RALGAPA2: variants seen among roughly 807,000 people sequenced by gnomAD.
The protein encoded by RALGAPA2 is ral GTPase-activating protein subunit alpha-2.
Under a neutral mutation model 230.4 loss-of-function variants are expected in RALGAPA2, and 139 were observed. The ratio of observed to expected loss-of-function variants is 0.60; its 90% CI spans 0.53 to 0.69. The LOEUF is 0.69. RALGAPA2 is among the 30% of genes least tolerant of loss of function. The pLI, the probability that RALGAPA2 is intolerant of heterozygous loss-of-function variation, is 0.00. For synonymous variants in RALGAPA2, 847 were observed against 837.8 expected (o/e 1.01, Z -0.19); for missense variants, 2,163 against 2,276.0 (o/e 0.95, Z 1.01).
chr20:20,395,259 TG>T (rs2059687496), intron 39 of RALGAPA2, among the ~76,000 whole-genome samples: 2 of 152,254 alleles, frequency 1.3e-5, no homozygotes, highest in Admixed American at 6.5e-5. Context: ...AGCTTTCTGC[TG>T]GGACATTCTC....
At chr20:20,570,299 T>G (rs1239583269) in intron 23 of RALGAPA2, among the ~76,000 whole-genome samples, 17 of 152,176 alleles carry the variant, frequency 1.1e-4, no homozygotes. Context: ...AAATACATAC[T>G]GCAAACTATT....
At chr20:20,594,293 A>G (rs2065382511) in intron 16 of RALGAPA2, among the ~76,000 whole-genome samples, 2 of 152,302 alleles carry the variant, frequency 1.3e-5, no homozygotes, top group Admixed American at 1.3e-4. Context: ...ATTTCTTTAT[A>G]CTATTTTTCC....
At chr20:20,569,739 T>C (rs17803719) in intron 23 of RALGAPA2, among the ~76,000 whole-genome samples, 35,818 of 152,052 alleles carry the variant, frequency 0.24, 4,372 homozygotes, top group East Asian at 0.41. Flanking sequence ...CATCTTAAAA[T>C]AGAAAGACAA....
chr20:20,470,433 T>C (rs948931303), intron 37 of RALGAPA2, among the ~76,000 whole-genome samples: 10 of 152,132 alleles, frequency 6.6e-5, no homozygotes, highest in African/African-American at 2.4e-4. Flanking sequence ...CACTGGCTCG[T>C]TTCTTTAGTT....
intron 37 of RALGAPA2, among the ~76,000 whole-genome samples, chr20:20,413,573 C>T (rs1008112088): frequency 2.6e-5 from 4 of 152,176 alleles, no homozygotes; most frequent in African/African-American, 9.7e-5. Context: ...CTCCCCCCAC[C>T]TTGCTATATT....
chr20:20,696,075 T>C (rs2069103262), intron 1 of RALGAPA2, among the ~76,000 whole-genome samples: 1 of 152,132 alleles, frequency 6.6e-6, no homozygotes, highest in African/African-American at 2.4e-5. Context: ...TGTTACAAGC[T>C]CAGGCCGCTG....
At chr20:20,627,858 T>C (rs567614642) in intron 10 of RALGAPA2, among the ~76,000 whole-genome samples, 2 of 152,352 alleles carry the variant, frequency 1.3e-5, no homozygotes, top group South Asian at 4.1e-4. Context: ...CTGGGAGTCA[T>C]ATGCCACAGT....
In RALGAPA2 at chr20:20,552,200, G is replaced by C. The variant is rs575177465; in HGVS notation, c.3157-5368C>G. 5.9e-5 allele frequency among the ~76,000 whole-genome samples: 9 copies of C among 152,198 alleles called. No homozygotes were observed. In the South Asian group the frequency reaches 1.9e-3, roughly 32 times the overall value. ...CATATATATTATTCACTTAATATTT[G>C]CTCAGGGCCCAGCAGATGATGGTTG... On this transcript the variant is annotated intron_variant, in intron 23 of 39. Transcript: ENST00000202677.
chr20:20,697,017 T>C (rs1306685720), intron 1 of RALGAPA2, among the ~76,000 whole-genome samples: 1 of 152,188 alleles, frequency 6.6e-6, no homozygotes, highest in African/African-American at 2.4e-5. Context: ...ATTACAGGCA[T>C]GAGCCACTGC....
chr20:20,456,108 T>C (rs1254327234), intron 37 of RALGAPA2, among the ~76,000 whole-genome samples: 2 of 152,270 alleles, frequency 1.3e-5, no homozygotes, highest in African/African-American at 2.4e-5. Flanking sequence ...AAATCAGTTA[T>C]CTTTTCAGTA....
chr20:20,469,605 C>A (rs139493691), intron 37 of RALGAPA2, among the ~76,000 whole-genome samples: 4 of 152,300 alleles, frequency 2.6e-5, no homozygotes, highest in African/African-American at 9.6e-5. Flanking sequence ...TAAAAAGCCA[C>A]CATCTGTTTG....
chr20:20,454,416 C>T (rs1001373882), intron 37 of RALGAPA2, among the ~76,000 whole-genome samples: 1 of 152,222 alleles, frequency 6.6e-6, no homozygotes, highest in Non-Finnish European at 1.5e-5. Flanking sequence ...GCCACTGCTG[C>T]CTGCTCCTTA....
At chr20:20,623,330 C>A (rs993377934) in intron 10 of RALGAPA2, among the ~76,000 whole-genome samples, 5 of 151,988 alleles carry the variant, frequency 3.3e-5, no homozygotes, top group African/African-American at 1.2e-4. Flanking sequence ...AGAGTTATAT[C>A]AAAAATAGAC....
At chr20:20,429,829 A>G (rs1294837727) in intron 37 of RALGAPA2, among the ~76,000 whole-genome samples, 3 of 152,220 alleles carry the variant, frequency 2.0e-5, no homozygotes, top group Admixed American at 6.5e-5. Flanking sequence ...TTTCATTGCT[A>G]TCTTCCAAGG....
chr20:20,443,445 C>T (rs1008756369), intron 37 of RALGAPA2, among the ~76,000 whole-genome samples: 46 of 152,236 alleles, frequency 3.0e-4, no homozygotes, highest in Non-Finnish European at 4.4e-5. Context: ...GCCTCTTGAT[C>T]TTCACCTTTT....
At chr20:20,451,714 T>C (rs2060993006) in intron 37 of RALGAPA2, among the ~76,000 whole-genome samples, 1 of 152,238 alleles carries the variant, frequency 6.6e-6, no homozygotes, top group South Asian at 2.1e-4. Flanking sequence ...AGCTATCTAT[T>C]AGCACAACTG....
chr20:20,513,707 G>C (rs963570573), intron 31 of RALGAPA2, among the ~76,000 whole-genome samples: 1 of 152,174 alleles, frequency 6.6e-6, no homozygotes, highest in African/African-American at 2.4e-5. Context: ...GGAGAGACTT[G>C]GAGGTGCTGA....
intron 27 of RALGAPA2, among the ~76,000 whole-genome samples, chr20:20,531,114 G>GCCTT (rs2063355705): frequency 6.6e-6 from 1 of 152,142 alleles, no homozygotes. Context: ...ATTTCTCTGG[G>GCCTT]CCTTGATTTC....
chr20:20,511,186 T>C, intron 33 of RALGAPA2, 68 bp downstream of exon 33: 1 of 1,535,066 alleles, frequency 6.5e-7, no homozygotes, highest in Non-Finnish European at 8.7e-7. Context: ...ATTCCTGCTG[T>C]TGTATCTGTT....
Sources: gnomAD v4.1 joint callset for allele counts (sites outside exome capture counted in the v4.1 genomes callset) on GRCh38, gnomAD v4.1.1 for gene constraint, MANE v1.5 for transcripts, NCBI Gene and HGNC (gene_info 2026-07-23, HGNC 2026-07-21) for gene names.